ROBO2: variants seen among roughly 807,000 people sequenced by gnomAD.
The protein encoded by ROBO2 is roundabout guidance receptor 2.
In ROBO2, 53 loss-of-function variants were observed where a neutral mutation model predicts 160.8. That is an observed-to-expected ratio of 0.33 (90% CI 0.26 to 0.41). ROBO2 has a LOEUF of 0.41. ROBO2 is among the 10% of genes least tolerant of loss of function. The pLI is 1.00. For missense variants in ROBO2, 1,577 were observed against 1,722.4 expected, an observed-to-expected ratio of 0.92 and a Z score of 1.49; for synonymous variants, 664 against 611.7, an observed-to-expected ratio of 1.09 and a Z score of -1.26.
At chr3:76,428,939 G>A (rs913795527) in intron 2 of ROBO2, among the ~76,000 whole-genome samples, 3 of 152,088 alleles carry the variant, frequency 2.0e-5, no homozygotes, top group Non-Finnish European at 2.9e-5. Flanking sequence ...CTACAGTAGC[G>A]TCTCTAGGCC....
chr3:76,213,329 C>T (rs1485646616), intron 2 of ROBO2, among the ~76,000 whole-genome samples: 1 of 151,872 alleles, frequency 6.6e-6, no homozygotes, highest in African/African-American at 2.4e-5. Flanking sequence ...CTAATGTAAT[C>T]CTAAACTAGT....
intron 2 of ROBO2, among the ~76,000 whole-genome samples, chr3:76,978,439 C>T (rs1445554843): frequency 1.3e-5 from 2 of 152,000 alleles, no homozygotes; most frequent in African/African-American, 4.8e-5. Flanking sequence ...TCTTAATGAC[C>T]TGAGATTTTT....
intron 2 of ROBO2, among the ~76,000 whole-genome samples, chr3:76,138,413 A>G (rs994563474): frequency 1.3e-5 from 2 of 152,038 alleles, no homozygotes; most frequent in African/African-American, 4.8e-5. Flanking sequence ...TTTGCTCACC[A>G]TATAAATGCA....
At chr3:77,125,198 G>A (rs981518653) in intron 2 of ROBO2, among the ~76,000 whole-genome samples, 12 of 152,168 alleles carry the variant, frequency 7.9e-5, no homozygotes, top group African/African-American at 2.9e-4. Flanking sequence ...ACACTTAGTG[G>A]AAAAACCATA....
intron 2 of ROBO2, among the ~76,000 whole-genome samples, chr3:77,453,050 A>G (rs759798655): frequency 2.0e-5 from 3 of 152,194 alleles, no homozygotes; most frequent in Non-Finnish European, 2.9e-5. Flanking sequence ...TGGCCTAGGT[A>G]TCACACTTCC....
At chr3:77,377,815 C>T (rs1031584559) in intron 2 of ROBO2, among the ~76,000 whole-genome samples, 1 of 152,182 alleles carries the variant, frequency 6.6e-6, no homozygotes, top group East Asian at 1.9e-4. Flanking sequence ...TAACCCTTTC[C>T]CATTAGATTG....
chr3:77,481,233 C>T lies in ROBO2; in HGVS notation c.667+14C>T. ...TGACTGTCTTTGGTAAAACTTTCTT[C>T]TAAATTATAAATTTTTATTTTTATC... On this transcript the variant is annotated intron_variant, in intron 4 of 25. Transcript: ENST00000461745. 7 of 1,506,474 alleles carry T rather than the reference C, an allele frequency of 4.6e-6. No homozygotes were observed. Among genetic ancestry groups the T allele is most frequent in the Non-Finnish European group, 6.2e-6 (7 of 1,133,124 alleles). 93.3% of individuals were successfully genotyped at this position (1,506,474 alleles called of 1,614,324 possible).
intron 16 of ROBO2, among the ~76,000 whole-genome samples, chr3:77,586,710 C>A (rs770912578): frequency 6.6e-6 from 1 of 151,536 alleles, no homozygotes; most frequent in Non-Finnish European, 1.5e-5. Context: ...TCTCTTTGTT[C>A]AAGAAGTTAT....
intron 2 of ROBO2, among the ~76,000 whole-genome samples, chr3:76,682,831 A>G (rs2092598107): frequency 6.6e-6 from 1 of 152,200 alleles, no homozygotes; most frequent in Admixed American, 6.6e-5. Flanking sequence ...GCACTCCATT[A>G]TTCACGTGTT....
chr3:76,395,873 A>C (rs976704760), intron 2 of ROBO2, among the ~76,000 whole-genome samples: 1 of 152,196 alleles, frequency 6.6e-6, no homozygotes, highest in African/African-American at 2.4e-5. Flanking sequence ...ATGGATTCAC[A>C]GCCGAATTCT....
rs1029435745 is a variant in ROBO2, at chr3:76,014,661, C to T, written c.109+77059C>T. On this transcript the variant is annotated intron_variant, in intron 2 of 26. Coordinates refer to the ROBO2 transcript ENST00000487694. ...GGCTATTGGCGACTGGGCACGGTGG[C>T]TTATGCATGTAATCCCCGCACTTTG... Among the ~76,000 whole-genome samples the T allele has an allele frequency of 5.9e-5, 9 of 152,124 alleles. No homozygotes were observed. The South Asian group carries it at 8.3e-4, about 14-fold the overall frequency.
At chr3:77,296,916 C>A (rs1219550288) in intron 2 of ROBO2, among the ~76,000 whole-genome samples, 2 of 152,074 alleles carry the variant, frequency 1.3e-5, no homozygotes, top group South Asian at 2.1e-4. Flanking sequence ...CTTTCCACCA[C>A]CTCGTGTGAA....
intron 2 of ROBO2, among the ~76,000 whole-genome samples, chr3:76,142,779 G>T (rs1357560085): frequency 6.6e-6 from 1 of 151,818 alleles, no homozygotes. Context: ...TAATTCAGTT[G>T]TACATTTTTA....
chr3:76,868,285 A>T (rs1211056833), intron 2 of ROBO2, among the ~76,000 whole-genome samples: 1 of 152,060 alleles, frequency 6.6e-6, no homozygotes, highest in Non-Finnish European at 1.5e-5. Flanking sequence ...TAATCTGTCT[A>T]CCCAGTGACT....
In ROBO2 at chr3:77,372,503, A is replaced by G. The variant is rs143031069; in HGVS notation, c.389-104911A>G. Among the ~76,000 whole-genome samples the G allele has an allele frequency of 3.7e-3, 565 of 152,310 alleles. 7 individuals carry two copies. The highest frequency in any genetic ancestry group is 0.013 in the African/African-American group (536 of 41,576). On this transcript the variant is annotated intron_variant, in intron 2 of 25. Coordinates refer to ENST00000461745, the Ensembl canonical transcript of ROBO2. ...GCTGAAAATTTTTAATCTCTCAGAC[A>G]ACAGATAATCATGTCACCGTGCATA...
At chr3:76,798,219 GA>G (rs1377318663) in intron 2 of ROBO2, among the ~76,000 whole-genome samples, 12 of 99,572 alleles carry the variant, frequency 1.2e-4, no homozygotes, top group African/African-American at 4.6e-4. Context: ...AAGAGAAAAA[GA>G]AAGAAAGAGA....
At chr3:77,493,499 G>A (rs1210745582) in intron 5 of ROBO2, 117 bp downstream of exon 5, 3 of 1,154,140 alleles carry the variant, frequency 2.6e-6, no homozygotes, top group Non-Finnish European at 3.8e-6. Flanking sequence ...TTTCACTCAT[G>A]TGATTTTTAC....
intron 2 of ROBO2, among the ~76,000 whole-genome samples, chr3:77,127,724 C>A (rs2075471663): frequency 1.3e-5 from 2 of 152,064 alleles, no homozygotes; most frequent in South Asian, 4.1e-4. Context: ...AGGCCTCATT[C>A]CCTTGTAGGT....
intron 2 of ROBO2, among the ~76,000 whole-genome samples, chr3:77,450,736 T>C (rs2081030520): frequency 6.6e-6 from 1 of 152,128 alleles, no homozygotes; most frequent in Non-Finnish European, 1.5e-5. Context: ...AACGATTTTC[T>C]TGTGTTATTC....
Sources: allele counts gnomAD v4.1 joint callset (sites outside exome capture counted in the v4.1 genomes callset), GRCh38; gene constraint gnomAD v4.1.1; transcripts MANE v1.5; gene names NCBI Gene and HGNC (gene_info 2026-07-23, HGNC 2026-07-21).